ALDH16A1: variants seen among roughly 807,000 people sequenced by gnomAD.
The protein encoded by ALDH16A1 is aldehyde dehydrogenase family 16 member A1.
In ALDH16A1, 88 loss-of-function variants were observed where a neutral mutation model predicts 96.1. The ratio of observed to expected loss-of-function variants is 0.92; its 90% CI spans 0.77 to 1.09. ALDH16A1 has a LOEUF of 1.09. Among genes scored for constraint, ALDH16A1 ranks in the 50% least tolerant of loss-of-function variants. The probability of loss-of-function intolerance (pLI) is 0.00; values close to 1 mark genes in which losing one functional copy is unlikely to be tolerated. For synonymous variants in ALDH16A1, 522 were observed against 496.4 expected (o/e 1.05, Z -0.69); for missense variants, 1,250 against 1,112.6 (o/e 1.12, Z -1.76).
chr19:49,470,232 C>A, intron 16 of ALDH16A1, 74 bp from the exon 17 acceptor site: 1 of 1,567,728 alleles, frequency 6.4e-7, no homozygotes, highest in Non-Finnish European at 8.7e-7. Flanking sequence ...CAGTAACAGT[C>A]TTCATCGCGG....
rs529812579 is a variant in ALDH16A1, at chr19:49,468,271, G to A, written c.1939-110G>A. Reference sequence around the variant, plus strand: ...CGAAATGGCAGGGGCTTCCACAATGGTGCGGTTTGGGCCAACACCAAGTGT... The same window carrying A: ...CGAAATGGCAGGGGCTTCCACAATGATGCGGTTTGGGCCAACACCAAGTGT... On this transcript the variant is annotated intron_variant, in intron 14 of 16. Transcript: ENST00000293350. The surrounding 1 kb of genome is among the most constrained non-coding windows in gnomAD (Gnocchi z 4.4). The A allele has an allele frequency of 2.9e-5, 33 of 1,139,628 alleles. No individual in the cohort carries two copies. The Admixed American group carries it at 6.6e-4, about 23-fold the overall frequency. The allele number at this position is 1,139,628 out of a possible 1,614,324, so 70.6% of individuals were successfully genotyped here. A position where few individuals can be genotyped will look rare whatever the true frequency, so the allele number is the denominator to read the frequency against.
At chr19:49,467,624 G>C (rs2079209856) in intron 14 of ALDH16A1, among the ~76,000 whole-genome samples, 2 of 147,128 alleles carry the variant, frequency 1.4e-5, no homozygotes. Context: ...TCGATCTCCT[G>C]ACCTCGTGAT....
In ALDH16A1 at chr19:49,461,913, G is replaced by A. The variant is rs776050480; in HGVS notation, c.789G>A (p.Ala263=). The change falls in exon 7 of 17, where the codon GCG becomes GCA. Residue 263 remains alanine (A), a synonymous_variant. Coordinates refer to ENST00000293350, the MANE Select transcript of ALDH16A1 (RefSeq NM_153329.4). ...GGCGTGCCCTTCGACGGAGCCTGGC[G>A]GGAGAGTGTGCGGAGCTGGGCCTGG... ...EEGRALRRSL[A]GECAELGLAL... 5.4e-5 allele frequency: 86 copies of A among 1,580,750 alleles called. No homozygotes were observed. Among genetic ancestry groups the A allele is most frequent in the Middle Eastern group, 3.3e-4 (2 of 6,006 alleles).
Position 49,468,261 on chromosome 19 carries a change from T to C in ALDH16A1, c.1939-120T>C. ...CCAGCGTCTGCGAAATGGCAGGGGC[T>C]TCCACAATGGTGCGGTTTGGGCCAA... On this transcript the variant is annotated intron_variant, in intron 14 of 16. Transcript: ENST00000293350. This position sits in a 1 kb window ranked among gnomAD's most constrained non-coding sequence, Gnocchi z 4.4. 9.6e-7 allele frequency: 1 copy of C among 1,038,628 alleles called. No homozygotes were observed. The highest frequency in any genetic ancestry group is 1.6e-5 in the South Asian group (1 of 63,120). The allele number at this position is 1,038,628 out of a possible 1,614,324, so 64.3% of individuals were successfully genotyped here.
intron 12 of ALDH16A1, 64 bp downstream of exon 12, chr19:49,464,826 C>T (rs1441043634): frequency 6.2e-7 from 1 of 1,603,960 alleles, no homozygotes; most frequent in African/African-American, 1.3e-5. Context: ...ATGCCTGTTT[C>T]CCCGTGGACT....
Position 49,470,342 on chromosome 19 carries a change from C to G in ALDH16A1, c.2284C>G (p.Leu762Val). Residue 762 changes from leucine to valine, a missense_variant, in exon 17 of 17, where the codon CTC (leucine) becomes GTC (valine). Transcript: ENST00000293350. ...QFVEWASAGNLKPVWASRGCP... is the reference protein window; with the variant it reads ...QFVEWASAGNVKPVWASRGCP... ...TGTCGAGTGGGCCTCGGCAGGAAAC[C>G]TCAAACCGGTGTGGGCGAGCAGGGG... 6.2e-7 allele frequency: 1 copy of G among 1,613,434 alleles called. No individual in the cohort carries two copies. The highest frequency in any genetic ancestry group is 1.7e-5 in the Admixed American group (1 of 60,000).
chr19:49,459,758 G>C lies in ALDH16A1; in HGVS notation c.409G>C (p.Gly137Arg). Reference sequence around the variant, plus strand: ...GCGGGCTGTTCGAGAGGTTCGAGACGGGGACGTCCAGCTGGCCCAGCAGCT... The same window carrying C: ...GCGGGCTGTTCGAGAGGTTCGAGACCGGGACGTCCAGCTGGCCCAGCAGCT... ...TGRAVREVRDGDVQLAQQLLH... is the reference protein window; with the variant it reads ...TGRAVREVRDRDVQLAQQLLH... The change falls in exon 4 of 17, where the codon GGG (glycine) becomes CGG (arginine). Residue 137 changes from glycine (G) to arginine (R), a missense_variant. Physicochemically the swap from Gly to Arg is moderately radical, Grantham distance 125 (BLOSUM62 -2). Transcript: ENST00000293350. This position sits in a 1 kb window ranked among gnomAD's most constrained non-coding sequence, Gnocchi z 4.1. 1 of 1,613,656 alleles carries C rather than the reference G, an allele frequency of 6.2e-7. No homozygotes were observed. The highest frequency in any genetic ancestry group is 8.5e-7 in the Non-Finnish European group (1 of 1,179,916).
chr19:49,463,877 T>A lies in ALDH16A1; in HGVS notation c.1122T>A (p.Pro374=), dbSNP rs2079174673. ...GAQVFQAGDV[P]SERPFYPPTL... is the part of the protein sequence containing the mutation. ...AGGTGTTCCAGGCTGGTGATGTGCC[T>A]TCGGAACGCCCATTCTATCCCCCAA... The change falls in exon 9 of 17, where the codon CCT becomes CCA. Residue 374 remains proline (P), a synonymous_variant. Coordinates refer to ENST00000293350, the MANE Select transcript of ALDH16A1 (RefSeq NM_153329.4). 2 of 1,613,284 alleles carry A rather than the reference T, an allele frequency of 1.2e-6. No individual in the cohort carries two copies. Among genetic ancestry groups the A allele is most frequent in the Non-Finnish European group, 1.7e-6 (2 of 1,179,586 alleles).
chr19:49,460,810 T>C lies in ALDH16A1; in HGVS notation c.500-12T>C. Reference sequence around the variant, plus strand: ...CCTCAAGGGATCCTCTTGCCTCATTTTTTTCTTGCAGGAGTAATTGGCCTC... The same window carrying C: ...CCTCAAGGGATCCTCTTGCCTCATTCTTTTCTTGCAGGAGTAATTGGCCTC... On this transcript the variant is annotated splice_polypyrimidine_tract_variant and intron_variant, in intron 4 of 16. Transcript: ENST00000293350. 1 of 1,612,598 alleles carries C rather than the reference T, an allele frequency of 6.2e-7. No individual in the cohort carries two copies. Among genetic ancestry groups the C allele is most frequent in the Non-Finnish European group, 8.5e-7 (1 of 1,179,332 alleles).
At chr19:49,465,964 C>T in intron 13 of ALDH16A1, 59 bp downstream of exon 13, 1 of 1,572,276 alleles carries the variant, frequency 6.4e-7, no homozygotes, top group Non-Finnish European at 8.6e-7. Context: ...GGAGCCTGCC[C>T]ACAGCAATTG....
rs753605219 is a variant in ALDH16A1 at position 49,468,421 on chromosome 19, C to T, written c.1979C>T (p.Pro660Leu). 12 of 1,600,616 alleles carry T rather than the reference C, an allele frequency of 7.5e-6. No homozygotes were observed. Among genetic ancestry groups the T allele is most frequent in the Middle Eastern group, 3.5e-4 (2 of 5,776 alleles). ...LRGPVLRLREPLGVLAVVCPD... is the reference protein window; with the variant it reads ...LRGPVLRLRELLGVLAVVCPD... ...GGCCCTGTGCTGCGCCTGCGGGAGC[C>T]GCTGGGTGTGCTGGCTGTGGTGTGT... Residue 660 changes from proline (P) to leucine (L), a missense_variant, in exon 15 of 17, where the codon CCG (proline) becomes CTG (leucine). Physicochemically the swap from Pro to Leu is moderately conservative, Grantham distance 98. Coordinates refer to ENST00000293350, the MANE Select transcript of ALDH16A1 (RefSeq NM_153329.4). This position sits in a 1 kb window ranked among gnomAD's most constrained non-coding sequence, Gnocchi z 4.4.
rs1568648792 is a variant in ALDH16A1, at chr19:49,458,997, G to A, written c.231G>A (p.Glu77=). The A allele has an allele frequency of 1.2e-6, 2 of 1,613,526 alleles. No homozygotes were observed. Among genetic ancestry groups the A allele is most frequent in the Non-Finnish European group, 1.7e-6 (2 of 1,180,026 alleles). Residue 77 remains glutamate (E), a synonymous_variant, in exon 3 of 17, where the codon GAG becomes GAA. Transcript: ENST00000293350. Reference sequence around the variant, plus strand: ...CCAGTTGCCTGCAGGCACAGGCCGAGGATGTGGCTGCAGCCGTGGAGGCAG... The same window carrying A: ...CCAGTTGCCTGCAGGCACAGGCCGAAGATGTGGCTGCAGCCGTGGAGGCAG... ...NLASCLQAQA[E]DVAAAVEAAR...
chr19:49,467,053 C>G (rs2079205018), intron 14 of ALDH16A1, among the ~76,000 whole-genome samples: 1 of 152,176 alleles, frequency 6.6e-6, no homozygotes, highest in Non-Finnish European at 1.5e-5. Context: ...CAGTCTCCCT[C>G]TGGCACCCGG....
At position 49,459,748 on chromosome 19, in the gene ALDH16A1, G is replaced by A. The variant is rs764298095; in HGVS notation, c.399G>A (p.Glu133=). The change falls in exon 4 of 17, where the codon GAG becomes GAA. Residue 133 remains glutamate, a synonymous_variant. Transcript: ENST00000293350. The surrounding 1 kb of genome is among the most constrained non-coding windows in gnomAD (Gnocchi z 4.1). ...TGGTGACTGGGCGGGCTGTTCGAGAGGTTCGAGACGGGGACGTCCAGCTGG... is the reference window on the plus strand; with the variant it reads ...TGGTGACTGGGCGGGCTGTTCGAGAAGTTCGAGACGGGGACGTCCAGCTGG... The part of the protein sequence containing the change: ...ESLVTGRAVR[E]VRDGDVQLAQ... 5 of 1,613,744 alleles carry A rather than the reference G, an allele frequency of 3.1e-6. No individual in the cohort carries two copies. The highest frequency in any genetic ancestry group is 4.2e-6 in the Non-Finnish European group (5 of 1,179,934).
In ALDH16A1 at chr19:49,470,623, C is replaced by A; in HGVS notation, c.*156C>A. ...TCTGCGAGAAGAAAGGGTGTAGCAA[C>A]TTCTGGCAGATATGAGGCTTTTTTC... On this transcript the variant is annotated 3_prime_UTR_variant, in exon 17 of 17. Transcript: ENST00000293350. 7.7e-6 allele frequency: 5 copies of A among 652,816 alleles called. No individual in the cohort carries two copies. The highest frequency in any genetic ancestry group is 1.1e-5 in the Non-Finnish European group (5 of 445,516). 40.4% of individuals were successfully genotyped at this position (652,816 alleles called of 1,614,324 possible).
At chr19:49,455,478 A>G (rs1344571725) in intron 1 of ALDH16A1, among the ~76,000 whole-genome samples, 3 of 148,694 alleles carry the variant, frequency 2.0e-5, no homozygotes, top group Non-Finnish European at 1.5e-5. Flanking sequence ...ATGGCAGCAC[A>G]CACCTGTAGT....
chr19:49,466,490 C>T (rs948144173), intron 14 of ALDH16A1, among the ~76,000 whole-genome samples: 6 of 152,322 alleles, frequency 3.9e-5, no homozygotes, highest in Admixed American at 1.3e-4. Flanking sequence ...GAGTAGCGTT[C>T]GCCAGATGAT....
At chr19:49,455,416 C>CAAAAAA (rs10530269) in intron 1 of ALDH16A1, among the ~76,000 whole-genome samples, 1 of 136,564 alleles carries the variant, frequency 7.3e-6, no homozygotes. Flanking sequence ...AACTCCATCT[C>CAAAAAA]AAAAAAAAAA....
In ALDH16A1 at chr19:49,468,799, CT is replaced by C. The variant is rs1216818383; in HGVS notation, c.2125-64del. 3.2e-6 allele frequency: 5 copies of C among 1,564,072 alleles called. No homozygotes were observed. The highest frequency in any genetic ancestry group is 1.7e-5 in the Admixed American group (1 of 57,416). ...TCCCCTTCCCTCCCATGGGCACCCC[CT>C]GAATGCCCACTCCTTGCCCTGCCCC... On this transcript the variant is annotated intron_variant, in intron 15 of 16. Coordinates refer to ENST00000293350, the MANE Select transcript of ALDH16A1 (RefSeq NM_153329.4). This position sits in a 1 kb window ranked among gnomAD's most constrained non-coding sequence, Gnocchi z 4.4.
Sources: gnomAD v4.1 joint callset for allele counts (sites outside exome capture counted in the v4.1 genomes callset) on GRCh38, gnomAD v4.1.1 for gene constraint, Gnocchi (gnomAD v3.1) non-coding constraint, MANE v1.5 for transcripts, NCBI Gene and HGNC (gene_info 2026-07-23, HGNC 2026-07-21) for gene names.